The following CAPSL variants were observed in gnomAD, a reference collection of about 807,000 sequenced individuals.
The protein encoded by CAPSL is calcyphosine like.
CAPSL carries 17 observed loss-of-function variants against 21.3 expected under a neutral mutation model. That is an observed-to-expected ratio of 0.80 (90% confidence interval 0.55 to 1.20). The LOEUF (loss-of-function observed/expected upper bound fraction) is 1.20, where lower values mean the gene tolerates loss of function less well. CAPSL is among the 50% of genes most tolerant of loss of function. CAPSL has a pLI of 0.00. For missense variants in CAPSL, 289 were observed against 259.3 expected, an observed-to-expected ratio of 1.11 and a Z score of -0.79; for synonymous variants, 102 against 89.3, an observed-to-expected ratio of 1.14 and a Z score of -0.80.
At chr5:35,922,063 A>C (rs1444710771) in intron 1 of CAPSL, among the ~76,000 whole-genome samples, 1 of 64,904 alleles carries the variant, frequency 1.5e-5, no homozygotes, top group African/African-American at 5.0e-5. Flanking sequence ...GACAGCATGC[A>C]ATGTGCAGAA....
chr5:35,931,051 G>A (rs1738809037), intron 1 of CAPSL, among the ~76,000 whole-genome samples: 1 of 152,184 alleles, frequency 6.6e-6, no homozygotes, highest in South Asian at 2.1e-4. Flanking sequence ...ACTAATGTTG[G>A]CAACTTCTTG....
chr5:35,933,482 C>T (rs1738870466), intron 1 of CAPSL, among the ~76,000 whole-genome samples: 1 of 152,128 alleles, frequency 6.6e-6, no homozygotes, highest in African/African-American at 2.4e-5. Context: ...TGTAAATTAT[C>T]CACAACATCT....
intron 2 of CAPSL, among the ~76,000 whole-genome samples, chr5:35,912,740 T>C (rs1738265341): frequency 6.6e-6 from 1 of 152,004 alleles, no homozygotes; most frequent in Non-Finnish European, 1.5e-5. Context: ...CAAAGGTAGA[T>C]AAAACCACAA....
intron 3 of CAPSL, 26 bp downstream of exon 3, chr5:35,910,340 A>T (rs2149917463): frequency 6.2e-7 from 1 of 1,607,102 alleles, no homozygotes; most frequent in Non-Finnish European, 8.5e-7. Context: ...AACTCAGCAG[A>T]TACACTGATT....
intron 1 of CAPSL, among the ~76,000 whole-genome samples, chr5:35,933,992 AAC>A (rs1200135610): frequency 1.3e-5 from 2 of 152,206 alleles, no homozygotes; most frequent in Non-Finnish European, 2.9e-5. Context: ...GTGAGAAGCC[AAC>A]ACGTGGCCAT....
chr5:35,931,831 C>G (rs1469394801), intron 1 of CAPSL, among the ~76,000 whole-genome samples: 2 of 152,192 alleles, frequency 1.3e-5, no homozygotes, highest in Non-Finnish European at 2.9e-5. Flanking sequence ...AACCAGGTAG[C>G]TTTCAAATAT....
Position 35,921,091 on chromosome 5 carries a change from C to T in CAPSL, c.30G>A (p.Glu10=). 1 of 1,614,114 alleles carries T rather than the reference C, an allele frequency of 6.2e-7. No individual in the cohort carries two copies. Among genetic ancestry groups the T allele is most frequent in the South Asian group, 1.1e-5 (1 of 91,086 alleles). MAGTARHDR[E]MAIQAKKKLT... ...GCTTTTTCTTGGCCTGGATCGCCAT[C>T]TCTCGGTCATGGCGCGCTGTCCCTG... The change falls in exon 2 of 5, where the codon GAG becomes GAA. Residue 10 remains glutamate (E), a synonymous_variant. Coordinates refer to ENST00000651391, the MANE Select transcript of CAPSL (RefSeq NM_001042625.2).
At chr5:35,915,434 T>G (rs1406058277) in intron 2 of CAPSL, among the ~76,000 whole-genome samples, 1 of 152,190 alleles carries the variant, frequency 6.6e-6, no homozygotes, top group Non-Finnish European at 1.5e-5. Context: ...CCAATATCCC[T>G]GGTGAACATC....
At chr5:35,912,491 A>G (rs544859439) in intron 2 of CAPSL, among the ~76,000 whole-genome samples, 2 of 152,214 alleles carry the variant, frequency 1.3e-5, no homozygotes, top group East Asian at 3.9e-4. Flanking sequence ...TCACACGGCC[A>G]GGTACTCCTC....
At chr5:35,905,600 G>A (rs1760656667) in intron 4 of CAPSL, among the ~76,000 whole-genome samples, 1 of 152,202 alleles carries the variant, frequency 6.6e-6, no homozygotes, top group Non-Finnish European at 1.5e-5. Context: ...TACAATACAT[G>A]CATAGAGCCT....
intron 4 of CAPSL, among the ~76,000 whole-genome samples, chr5:35,907,677 T>A (rs1760710056): frequency 6.6e-6 from 1 of 152,190 alleles, no homozygotes. Context: ...GAGTTTAACC[T>A]AGATTATCAA....
Position 35,930,228 on chromosome 5 carries a change from G to A in CAPSL, c.-1+8313C>T, listed in dbSNP as rs1014377265. On this transcript the variant is annotated intron_variant, in intron 1 of 4. Transcript: ENST00000651391. ...TCTCTGTATCAGAATACATTTTCTC[G>A]AAATGCTTAAAATGCATGTTGCAGC... 7.9e-5 allele frequency among the ~76,000 whole-genome samples: 12 copies of A among 152,072 alleles called. No homozygotes were observed. The South Asian group carries it at 2.5e-3, about 32-fold the overall frequency.
At chr5:35,933,718 C>T (rs1738876383) in intron 1 of CAPSL, among the ~76,000 whole-genome samples, 2 of 152,212 alleles carry the variant, frequency 1.3e-5, no homozygotes, top group South Asian at 4.1e-4. Context: ...CTAAGCAGAA[C>T]TTCCAAAGAA....
intron 2 of CAPSL, among the ~76,000 whole-genome samples, chr5:35,918,750 A>T (rs1418011556): frequency 4.6e-5 from 7 of 152,276 alleles, no homozygotes; most frequent in Non-Finnish European, 1.0e-4. Context: ...TATCAAAATA[A>T]TGAGAACTTT....
chr5:35,938,424 A>G (rs1187051026), intron 1 of CAPSL, 117 bp downstream of exon 1: 1 of 152,132 alleles, frequency 6.6e-6, no homozygotes, highest in Non-Finnish European at 1.5e-5. Flanking sequence ...AGAACTCTCA[A>G]AAGACTTTTA....
intron 1 of CAPSL, among the ~76,000 whole-genome samples, chr5:35,931,889 A>C (rs1738835496): frequency 6.6e-6 from 1 of 152,194 alleles, no homozygotes; most frequent in East Asian, 1.9e-4. Flanking sequence ...TTTCAAACCC[A>C]CTGCAAGGAC....
rs1027455549 is a variant in CAPSL at position 35,924,459 on chromosome 5, G to A, written c.1-3339C>T. Reference sequence around the variant, plus strand: ...AGTGGGATCGAGTCCAGGAAGGCAAGAAACTGCCAGCCCAGTACCTCAGGC... The same window carrying A: ...AGTGGGATCGAGTCCAGGAAGGCAAAAAACTGCCAGCCCAGTACCTCAGGC... On this transcript the variant is annotated intron_variant, in intron 1 of 4. Transcript: ENST00000651391. Among the ~76,000 whole-genome samples, 3 of 152,154 alleles carry A rather than the reference G, an allele frequency of 2.0e-5. No individual in the cohort carries two copies. In the East Asian group the frequency reaches 5.8e-4, roughly 29 times the overall value.
At chr5:35,935,730 C>G (rs1738928822) in intron 1 of CAPSL, among the ~76,000 whole-genome samples, 1 of 151,670 alleles carries the variant, frequency 6.6e-6, no homozygotes, top group Non-Finnish European at 1.5e-5. Context: ...ACTTTTGGCC[C>G]TACATTTTCA....
chr5:35,935,325 G>C (rs913686209), intron 1 of CAPSL, among the ~76,000 whole-genome samples: 1 of 149,254 alleles, frequency 6.7e-6, no homozygotes, highest in Non-Finnish European at 1.5e-5. Flanking sequence ...TCCTCTGAAA[G>C]TCCAAACTTC....
Sources: allele counts gnomAD v4.1 joint callset (sites outside exome capture counted in the v4.1 genomes callset), GRCh38; gene constraint gnomAD v4.1.1; transcripts MANE v1.5; gene names NCBI Gene and HGNC (gene_info 2026-07-23, HGNC 2026-07-21).